The following ABCB1 variants were observed in gnomAD, a reference collection of about 807,000 sequenced individuals.
ABCB1 encodes ATP-dependent translocase ABCB1.
In ABCB1, 69 loss-of-function variants were observed where a neutral mutation model predicts 142.0. That is an observed-to-expected ratio of 0.49 (90% CI 0.40 to 0.59). The LOEUF is 0.59. Ranked by LOEUF, ABCB1 falls within the 20% of genes least tolerant of loss-of-function variation. ABCB1 has a pLI of 0.00. For missense variants in ABCB1, 1,326 were observed against 1,554.7 expected, an observed-to-expected ratio of 0.85 and a Z score of 2.47; for synonymous variants, 532 against 539.2, an observed-to-expected ratio of 0.99 and a Z score of 0.18.
At chr7:87,685,689 T>G (rs1461493660) in intron 1 of ABCB1, among the ~76,000 whole-genome samples, 1 of 152,020 alleles carries the variant, frequency 6.6e-6, no homozygotes, top group Admixed American at 6.6e-5. Context: ...AGGGTGGGGG[T>G]TGACAAGCAT....
intron 14 of ABCB1, among the ~76,000 whole-genome samples, chr7:87,548,340 G>C (rs1816899136): frequency 6.6e-6 from 1 of 150,984 alleles, no homozygotes; most frequent in East Asian, 1.9e-4. Flanking sequence ...GCAAGAGAGG[G>C]AGGGATTGAG....
chr7:87,584,405 G>A (rs1342360667), intron 4 of ABCB1, among the ~76,000 whole-genome samples: 2 of 152,150 alleles, frequency 1.3e-5, no homozygotes, highest in African/African-American at 2.4e-5. Context: ...TATCAAACAG[G>A]CATTTTCAAC....
intron 4 of ABCB1, among the ~76,000 whole-genome samples, chr7:87,583,499 C>A (rs1032381421): frequency 1.3e-5 from 2 of 152,286 alleles, no homozygotes; most frequent in South Asian, 4.1e-4. Flanking sequence ...CTGGCAAGGA[C>A]TGCAATGTGA....
intron 21 of ABCB1, among the ~76,000 whole-genome samples, chr7:87,530,846 A>AAGAAAGAAAGC (rs1563037392): frequency 1.6e-5 from 1 of 60,980 alleles, no homozygotes; most frequent in Non-Finnish European, 4.0e-5. Flanking sequence ...AGCAAGAAAG[A>AAGAAAGAAAGC]AAGAAAGAAA....
intron 18 of ABCB1, among the ~76,000 whole-genome samples, chr7:87,540,102 C>T (rs1342197515): frequency 6.6e-6 from 1 of 152,176 alleles, no homozygotes; most frequent in Non-Finnish European, 1.5e-5. Context: ...TTTTGCACCT[C>T]TTATAATGTC....
intron 1 of ABCB1, among the ~76,000 whole-genome samples, chr7:87,694,748 C>T (rs1434722442): frequency 6.6e-6 from 1 of 151,984 alleles, no homozygotes; most frequent in African/African-American, 2.4e-5. Context: ...GTTAATAATG[C>T]TGGTGGAAGG....
chr7:87,701,527 G>A (rs979198714), intron 1 of ABCB1, among the ~76,000 whole-genome samples: 7 of 152,136 alleles, frequency 4.6e-5, no homozygotes, highest in Non-Finnish European at 7.4e-5. Flanking sequence ...TGATCAGTTC[G>A]TGGAATTACA....
upstream of ABCB1, among the ~76,000 whole-genome samples, chr7:87,602,287 G>T (rs1412970969): frequency 2.1e-5 from 3 of 146,024 alleles, no homozygotes; most frequent in Non-Finnish European, 4.5e-5. Flanking sequence ...GCTACAGCTC[G>T]GCCTCTTTTT....
chr7:87,709,570 G>A (rs1325059427), intron 1 of ABCB1: 12 of 948,830 alleles, frequency 1.3e-5, no homozygotes, highest in Non-Finnish European at 1.3e-5. Context: ...CAGTAGTACT[G>A]CTGCTTCTAG....
In ABCB1 at chr7:87,587,375, A is replaced by G. The variant is rs143612865; in HGVS notation, c.118-1695T>C. 8.1e-4 allele frequency among the ~76,000 whole-genome samples: 123 copies of G among 152,368 alleles called. 1 individual carries two copies. The East Asian group carries it at 0.01, about 13-fold the overall frequency. ...ACATTTACTGAATGCCTATTCAATG[A>G]CAGATAAAATCCAGAGATAAATGCC... On this transcript the variant is annotated intron_variant, in intron 3 of 27. Transcript: ENST00000622132.
At chr7:87,589,985 A>G (rs1046306926) in intron 3 of ABCB1, among the ~76,000 whole-genome samples, 4 of 152,216 alleles carry the variant, frequency 2.6e-5, no homozygotes, top group African/African-American at 9.6e-5. Flanking sequence ...CCCAGGGCAA[A>G]GAAGTAGAAG....
At chr7:87,534,917 TAAAA>T (rs139364527) in intron 20 of ABCB1, among the ~76,000 whole-genome samples, 2 of 91,790 alleles carry the variant, frequency 2.2e-5, no homozygotes, top group African/African-American at 4.7e-5. Context: ...CCTGTCTCTT[TAAAA>T]AAAAAAAAAA....
intron 25 of ABCB1, 105 bp downstream of exon 25, chr7:87,515,126 T>C: frequency 7.1e-7 from 1 of 1,410,068 alleles, no homozygotes. Context: ...AGTGGGACTG[T>C]TGTTTAAAGG....
At chr7:87,634,330 T>A (rs1309269561) in intron 1 of ABCB1, among the ~76,000 whole-genome samples, 4 of 152,060 alleles carry the variant, frequency 2.6e-5, no homozygotes, top group Non-Finnish European at 4.4e-5. Flanking sequence ...TAAAGAACTT[T>A]AAATTTGTTG....
chr7:87,635,527 C>T (rs539650250), intron 1 of ABCB1, among the ~76,000 whole-genome samples: 1 of 152,312 alleles, frequency 6.6e-6, no homozygotes, highest in Non-Finnish European at 1.5e-5. Context: ...AGTGTCAAGT[C>T]TGTAGTCAAC....
chr7:87,609,614 G>A (rs1268103774), intron 1 of ABCB1, among the ~76,000 whole-genome samples: 3 of 152,256 alleles, frequency 2.0e-5, no homozygotes, highest in East Asian at 1.9e-4. Context: ...GGGGACAGGC[G>A]CAATCATATT....
At chr7:87,574,704 C>T (rs894698236) in intron 4 of ABCB1, among the ~76,000 whole-genome samples, 1 of 152,108 alleles carries the variant, frequency 6.6e-6, no homozygotes, top group Non-Finnish European at 1.5e-5. Context: ...TATACTCTTC[C>T]TCCATGAATA....
At chr7:87,617,092 A>T (rs1273650056) in intron 1 of ABCB1, among the ~76,000 whole-genome samples, 1 of 152,230 alleles carries the variant, frequency 6.6e-6, no homozygotes, top group East Asian at 1.9e-4. Context: ...CTGAGCCTGC[A>T]ATCTGGGAAT....
intron 27 of ABCB1, 22 bp downstream of exon 27, chr7:87,505,875 T>C (rs1420349364): frequency 5.0e-6 from 8 of 1,613,910 alleles, no homozygotes; most frequent in Non-Finnish European, 5.9e-6. Context: ...CAAGTATGGA[T>C]GAACCCAATT....
Sources: allele counts gnomAD v4.1 joint callset (sites outside exome capture counted in the v4.1 genomes callset), GRCh38; gene constraint gnomAD v4.1.1; transcripts MANE v1.5; gene names NCBI Gene and HGNC (gene_info 2026-07-23, HGNC 2026-07-21).